The following FUT8 variants were observed in gnomAD, a reference collection of about 807,000 sequenced individuals.
FUT8 encodes alpha-(1,6)-fucosyltransferase.
A neutral mutation model predicts 71.3 loss-of-function variants in FUT8; 29 were observed. The observed-to-expected ratio is 0.41, with a 90% confidence interval of 0.30 to 0.55. The LOEUF (loss-of-function observed/expected upper bound fraction) is 0.55, where lower values mean the gene tolerates loss of function less well. FUT8 is among the 20% of genes least tolerant of loss of function. The pLI is 0.34. For missense variants in FUT8, 544 were observed against 702.1 expected (o/e 0.77, Z 2.55); for synonymous variants, 254 against 239.3 (o/e 1.06, Z -0.57).
chr14:65,496,653 C>G (rs977960194), intron 2 of FUT8, among the ~76,000 whole-genome samples: 1 of 152,134 alleles, frequency 6.6e-6, no homozygotes, highest in Non-Finnish European at 1.5e-5. Context: ...TTGTAAGTTT[C>G]CTGAGGCCTC....
intron 2 of FUT8, among the ~76,000 whole-genome samples, chr14:65,543,277 A>G (rs1351880142): frequency 6.6e-6 from 1 of 152,204 alleles, no homozygotes; most frequent in African/African-American, 2.4e-5. Context: ...TATGAAAATG[A>G]CTTTGAATCT....
At chr14:65,448,295 C>T (rs1449276541) in intron 1 of FUT8, among the ~76,000 whole-genome samples, 1 of 152,074 alleles carries the variant, frequency 6.6e-6, no homozygotes, top group Admixed American at 6.6e-5. Flanking sequence ...GTAAGTGGGT[C>T]TAGAACCTAT....
chr14:65,537,397 A>G (rs947794845), intron 2 of FUT8, among the ~76,000 whole-genome samples: 3 of 151,010 alleles, frequency 2.0e-5, no homozygotes, highest in African/African-American at 7.3e-5. Context: ...TATTACTTAC[A>G]TATTTTTTTT....
At chr14:65,435,823 TAA>T (rs2065547779) in intron 1 of FUT8, among the ~76,000 whole-genome samples, 1 of 151,512 alleles carries the variant, frequency 6.6e-6, no homozygotes, top group Non-Finnish European at 1.5e-5. Flanking sequence ...TTAGCTCTTA[TAA>T]TAGGTGTATA....
At chr14:65,394,446 GC>G in the FUT8 span, among the ~76,000 whole-genome samples, 3 of 152,156 alleles carry the variant, frequency 2.0e-5, no homozygotes, top group Non-Finnish European at 4.4e-5. Context: ...CAATCATTCT[GC>G]CCCTGGCTCC....
chr14:65,401,369 G>A, the FUT8 span, among the ~76,000 whole-genome samples: 2 of 152,122 alleles, frequency 1.3e-5, no homozygotes, highest in Non-Finnish European at 2.9e-5. Flanking sequence ...TTGCTGAAGG[G>A]GTAGCCACCA....
intron 6 of FUT8, among the ~76,000 whole-genome samples, chr14:65,663,394 A>T (rs1892063524): frequency 6.6e-6 from 1 of 151,470 alleles, no homozygotes. Flanking sequence ...CTAGATACGT[A>T]CTCTGATAAA....
chr14:65,370,764 G>A, the FUT8 span, among the ~76,000 whole-genome samples: 1 of 152,082 alleles, frequency 6.6e-6, no homozygotes, highest in East Asian at 1.9e-4. Context: ...CAAAAAAACA[G>A]ATTAGCAAGA....
At chr14:65,556,474 A>G (rs1885593537) in intron 2 of FUT8, among the ~76,000 whole-genome samples, 2 of 152,226 alleles carry the variant, frequency 1.3e-5, no homozygotes, top group African/African-American at 2.4e-5. Flanking sequence ...GCCTCTCAGC[A>G]TGATGGCTGA....
rs566548373 is a variant in FUT8 at position 65,483,721 on chromosome 14, A to T, written c.-228+28003A>T. On this transcript the variant is annotated intron_variant, in intron 2 of 10. Coordinates refer to ENST00000673929, the MANE Select transcript of FUT8 (RefSeq NM_001371533.1). This position sits in a 1 kb window ranked among gnomAD's most constrained non-coding sequence, Gnocchi z 4.4. ...TTATAAATATTTAAATAACATATCA[A>T]TTTTTTTTTTTTGAGACAGAGTTAT... Among the ~76,000 whole-genome samples, 1,260 of 146,942 alleles carry T rather than the reference A, an allele frequency of 8.6e-3. 18 individuals are homozygous for T. Among genetic ancestry groups the T allele is most frequent in the African/African-American group, 0.03 (1,207 of 40,454 alleles).
chr14:65,415,682 C>CTT (rs59874921), intron 1 of FUT8, among the ~76,000 whole-genome samples: 2 of 141,064 alleles, frequency 1.4e-5, no homozygotes, highest in Non-Finnish European at 3.1e-5. Context: ...GATATAATTC[C>CTT]TTTTTTTTTT....
chr14:65,705,161 GATAGAATTCATATGAC>G (rs71446307), intron 7 of FUT8, among the ~76,000 whole-genome samples: 44,945 of 151,948 alleles, frequency 0.3, 8,056 homozygotes, highest in Non-Finnish European at 0.4. Context: ...GTAGAGCAGT[GATAGAATTCATATGAC>G]ATAGAATTCA....
At chr14:65,560,406 T>A (rs1346484670) in intron 2 of FUT8, among the ~76,000 whole-genome samples, 1 of 152,144 alleles carries the variant, frequency 6.6e-6, no homozygotes, top group Non-Finnish European at 1.5e-5. Context: ...TCTCAAACTC[T>A]GGGTTCAAGC....
At chr14:65,618,368 G>C (rs915383841) in intron 5 of FUT8, among the ~76,000 whole-genome samples, 3 of 151,912 alleles carry the variant, frequency 2.0e-5, no homozygotes, top group African/African-American at 7.3e-5. Flanking sequence ...TGTTGTTGTT[G>C]AATTATGATT....
intron 2 of FUT8, among the ~76,000 whole-genome samples, chr14:65,495,194 A>T (rs921850965): frequency 1.3e-5 from 2 of 151,912 alleles, no homozygotes; most frequent in African/African-American, 4.8e-5. Flanking sequence ...TAAAAAAAAA[A>T]AAAACCCAGT....
At chr14:65,561,108 C>G (rs137991681) in intron 2 of FUT8, among the ~76,000 whole-genome samples, 1 of 152,152 alleles carries the variant, frequency 6.6e-6, no homozygotes, top group South Asian at 2.1e-4. Flanking sequence ...TGAGGACTTT[C>G]AGGCTTAGAG....
intron 7 of FUT8, among the ~76,000 whole-genome samples, chr14:65,692,570 C>T (rs1893719715): frequency 6.7e-6 from 1 of 149,792 alleles, no homozygotes; most frequent in Admixed American, 6.6e-5. Flanking sequence ...ACCCCCCGCA[C>T]CTCCCTCCCG....
chr14:65,467,507 C>A lies in FUT8; in HGVS notation c.-228+11789C>A, dbSNP rs1450330971. 6.6e-6 allele frequency among the ~76,000 whole-genome samples: 1 copy of A among 151,958 alleles called. No individual in the cohort carries two copies. Among genetic ancestry groups the A allele is most frequent in the Non-Finnish European group, 1.5e-5 (1 of 67,996 alleles). On this transcript the variant is annotated intron_variant, in intron 2 of 10. Coordinates refer to ENST00000673929, the MANE Select transcript of FUT8 (RefSeq NM_001371533.1). This position sits in a 1 kb window ranked among gnomAD's most constrained non-coding sequence, Gnocchi z 4.1. ...CTTTTTTATTTTTGAGACAGAGTCTCACACTGTCGCCCGGGCTGGAGTGCA... is the reference window on the plus strand; with the variant it reads ...CTTTTTTATTTTTGAGACAGAGTCTAACACTGTCGCCCGGGCTGGAGTGCA...
intron 7 of FUT8, among the ~76,000 whole-genome samples, chr14:65,703,323 T>G (rs1894405152): frequency 6.6e-6 from 1 of 152,224 alleles, no homozygotes; most frequent in African/African-American, 2.4e-5. Flanking sequence ...ACTTGCATGC[T>G]CTGTTAGTTA....
Sources: allele counts gnomAD v4.1 joint callset (sites outside exome capture counted in the v4.1 genomes callset), GRCh38; gene constraint gnomAD v4.1.1; non-coding constraint Gnocchi (gnomAD v3.1); transcripts MANE v1.5; gene names NCBI Gene and HGNC (gene_info 2026-07-23, HGNC 2026-07-21).